The following PCDHA2 variants were observed in gnomAD, a reference collection of about 807,000 sequenced individuals.
PCDHA2 encodes the protein protocadherin alpha 2.
Under a neutral mutation model 66.0 loss-of-function variants are expected in PCDHA2, and 58 were observed. That is an observed-to-expected ratio of 0.88 (90% confidence interval 0.71 to 1.09). PCDHA2 has a LOEUF of 1.09. Among genes scored for constraint, PCDHA2 ranks in the 50% least tolerant of loss-of-function variants. The probability of loss-of-function intolerance (pLI) is 0.00; values close to 1 mark genes in which losing one functional copy is unlikely to be tolerated. For missense variants in PCDHA2, 1,267 were observed against 1,242.3 expected (o/e 1.02, Z -0.30); for synonymous variants, 634 against 554.0 (o/e 1.14, Z -2.03).
At chr5:140,927,378 C>T in intron 1 of PCDHA2, 3 of 1,614,110 alleles carry the variant, frequency 1.9e-6, no homozygotes, top group Non-Finnish European at 2.5e-6. Flanking sequence ...TAAGCTACAG[C>T]CTAAGCCCCA....
At chr5:140,972,514 A>G (rs2096539827) in intron 1 of PCDHA2, among the ~76,000 whole-genome samples, 1 of 152,260 alleles carries the variant, frequency 6.6e-6, no homozygotes, top group Admixed American at 6.5e-5. Context: ...TTTTACCCCC[A>G]GTGAGCTTAT....
intron 1 of PCDHA2, chr5:140,814,678 C>G (rs1765562759): frequency 6.7e-6 from 1 of 149,848 alleles, no homozygotes; most frequent in African/African-American, 2.6e-5. Context: ...GAGTAATGTG[C>G]TACAACATTA....
intron 1 of PCDHA2, chr5:140,884,812 G>A: frequency 9.0e-7 from 1 of 1,117,104 alleles, no homozygotes; most frequent in Non-Finnish European, 1.2e-6. Flanking sequence ...ACTCTGCTGT[G>A]GACATTATGT....
chr5:140,847,431 G>C (rs1781013253), intron 1 of PCDHA2: 1 of 149,628 alleles, frequency 6.7e-6, no homozygotes, highest in South Asian at 2.1e-4. Flanking sequence ...CTTTAGACTT[G>C]AGATACACTA....
intron 1 of PCDHA2, chr5:140,926,964 C>G (rs149218057): frequency 1.9e-6 from 3 of 1,606,346 alleles, no homozygotes; most frequent in African/African-American, 2.7e-5. Flanking sequence ...AGCTCGAGTA[C>G]TCAGTGCCGG....
chr5:140,929,226 C>G lies in PCDHA2; in HGVS notation c.2389-49723C>G, dbSNP rs782065898. ...TGTTGCGTGGGGAGTACAATGCTGC[C>G]GACCTGCGAAATCTTGCCACTGGGG... is the stretch of plus-strand genomic sequence containing the variant. On this transcript the variant is annotated intron_variant, in intron 1 of 3. Transcript: ENST00000526136. 5.0e-6 allele frequency: 8 copies of G among 1,613,768 alleles called. No homozygotes were observed. In the South Asian group the frequency reaches 8.8e-5, roughly 18 times the overall value.
intron 1 of PCDHA2, chr5:140,883,245 G>A (rs267600403): frequency 6.2e-7 from 1 of 1,613,898 alleles, no homozygotes; most frequent in Non-Finnish European, 8.5e-7. Flanking sequence ...GTTGACAAAG[G>A]AAATATTCCA....
rs782325970 is a variant in PCDHA2, at chr5:140,802,197, T to A, written c.2388+4845T>A. 7.4e-6 allele frequency: 12 copies of A among 1,614,228 alleles called. No homozygotes were observed. The Admixed American group carries it at 2.0e-4, about 27-fold the overall frequency. ...AGGAAATCCCCCAATGTCAGATCAC[T>A]GCACAGTTCTACTCGAAATTGTGGA... On this transcript the variant is annotated intron_variant, in intron 1 of 3. Coordinates refer to ENST00000526136, the MANE Select transcript of PCDHA2 (RefSeq NM_018905.3).
intron 1 of PCDHA2, among the ~76,000 whole-genome samples, chr5:140,902,886 A>G (rs192404879): frequency 3.9e-5 from 6 of 152,276 alleles, no homozygotes; most frequent in Non-Finnish European, 7.4e-5. Flanking sequence ...TGCAAAAGCT[A>G]TTATTTTATT....
chr5:140,824,361 G>A (rs1296667094), intron 1 of PCDHA2: 22 of 575,078 alleles, frequency 3.8e-5, no homozygotes, highest in Non-Finnish European at 6.6e-5. Flanking sequence ...TTTTATATTA[G>A]CATTTGAATT....
intron 1 of PCDHA2, among the ~76,000 whole-genome samples, chr5:140,965,185 CAT>C (rs782612335): frequency 4.6e-5 from 7 of 152,138 alleles, no homozygotes; most frequent in Non-Finnish European, 1.0e-4. Flanking sequence ...TTTTTTTGCA[CAT>C]GAGGCAATAG....
chr5:140,833,293 A>G (rs1772396864), intron 1 of PCDHA2, among the ~76,000 whole-genome samples: 2 of 152,200 alleles, frequency 1.3e-5, no homozygotes, highest in Non-Finnish European at 2.9e-5. Context: ...AAGCATCTGA[A>G]TACAGACATA....
chr5:140,955,677 G>A (rs989922322), intron 1 of PCDHA2, among the ~76,000 whole-genome samples: 6 of 151,960 alleles, frequency 3.9e-5, no homozygotes, highest in African/African-American at 1.2e-4. Context: ...TAGTTTTTTC[G>A]AAATCTGTGA....
intron 1 of PCDHA2, chr5:140,966,979 C>T (rs1554229021): frequency 2.5e-6 from 4 of 1,603,612 alleles, no homozygotes; most frequent in Admixed American, 1.7e-5. Context: ...AGCTGCGGCG[C>T]TTGGGGCCGG....
intron 1 of PCDHA2, among the ~76,000 whole-genome samples, chr5:140,965,098 A>G (rs1554227430): frequency 6.6e-6 from 1 of 152,244 alleles, no homozygotes; most frequent in African/African-American, 2.4e-5. Flanking sequence ...GTCCATAGCT[A>G]GAAAATGACC....
intron 1 of PCDHA2, chr5:140,843,573 C>T (rs1380003956): frequency 6.3e-7 from 1 of 1,595,868 alleles, no homozygotes; most frequent in Admixed American, 1.7e-5. Flanking sequence ...TGGTCATACT[C>T]GCAACAACAG....
intron 1 of PCDHA2, chr5:140,884,185 G>T (rs1554181312): frequency 6.2e-7 from 1 of 1,613,444 alleles, no homozygotes. Context: ...CTCTGGACGA[G>T]GTGGACGCGC....
intron 1 of PCDHA2, chr5:140,868,213 A>G (rs1296985055): frequency 6.6e-6 from 1 of 152,200 alleles, no homozygotes; most frequent in Non-Finnish European, 1.5e-5. Flanking sequence ...GAAATAATAT[A>G]TGTCAAATAA....
chr5:140,822,047 G>A, intron 1 of PCDHA2: 3 of 1,614,218 alleles, frequency 1.9e-6, no homozygotes, highest in Non-Finnish European at 2.5e-6. Context: ...CGGATCGACC[G>A]GGAGGAGCTG....
Sources: gnomAD v4.1 joint callset for allele counts (sites outside exome capture counted in the v4.1 genomes callset) on GRCh38, gnomAD v4.1.1 for gene constraint, MANE v1.5 for transcripts, NCBI Gene and HGNC (gene_info 2026-07-23, HGNC 2026-07-21) for gene names.